Variants in HOTAIR observed in about 807,000 individuals in gnomAD.
The protein encoded by HOTAIR is HOX transcript antisense RNA (non-protein coding).
chr12:53,970,958 T>C (rs1015924389), intron 1 of HOTAIR, among the ~76,000 whole-genome samples: 2 of 152,174 alleles, frequency 1.3e-5, no homozygotes, highest in African/African-American at 4.8e-5. Flanking sequence ...CGAGCCCTCA[T>C]CCACACCTCT....
At position 53,973,784 on chromosome 12, in the gene HOTAIR, C is replaced by T. The variant is rs751093915; in HGVS notation, n.59+1114G>A. The T allele has an allele frequency of 6.2e-6, 10 of 1,603,112 alleles. No individual in the cohort carries two copies. The East Asian group carries it at 6.7e-5, about 11-fold the overall frequency. On this transcript the variant is annotated intron_variant and non_coding_transcript_variant, in intron 1 of 6. Coordinates refer to ENST00000424518, the Ensembl canonical transcript of HOTAIR. This position sits in a 1 kb window ranked among gnomAD's most constrained non-coding sequence, Gnocchi z 4.3. ...GCAAGGGCGAGGCCAAGGGGGAGCC[C>T]GAGGCACCCCCGGCCTCGGGACTGG...
intron 1 of HOTAIR, among the ~76,000 whole-genome samples, chr12:53,969,817 T>G (rs1939118575): frequency 6.6e-6 from 1 of 152,186 alleles, no homozygotes; most frequent in Non-Finnish European, 1.5e-5. Context: ...CCATTTCTTC[T>G]TTCAGCATTT....
chr12:53,967,903 G>C (rs1302889132), intron 2 of HOTAIR: 2 of 152,212 alleles, frequency 1.3e-5, no homozygotes, highest in Non-Finnish European at 2.9e-5. Flanking sequence ...AGGCTGAGGT[G>C]TGATTCAGGG....
chr12:53,966,838 A>G (rs1939063689), intron 3 of HOTAIR, among the ~76,000 whole-genome samples: 1 of 152,126 alleles, frequency 6.6e-6, no homozygotes, highest in Non-Finnish European at 1.5e-5. Context: ...GCCCGGCGAG[A>G]CCGAAAGAGC....
Position 53,973,966 on chromosome 12 carries a change from G to C in HOTAIR, n.59+932C>G. 1 of 1,420,664 alleles carries C rather than the reference G, an allele frequency of 7.0e-7. No homozygotes were observed. The highest frequency in any genetic ancestry group is 9.2e-7 in the Non-Finnish European group (1 of 1,082,980). The allele number at this position is 1,420,664 out of a possible 1,614,324, so 88.0% of individuals were successfully genotyped here. A position where few individuals can be genotyped will look rare whatever the true frequency, so the allele number is the denominator to read the frequency against. On this transcript the variant is annotated intron_variant and non_coding_transcript_variant, in intron 1 of 6. Coordinates refer to ENST00000424518, the Ensembl canonical transcript of HOTAIR. The surrounding 1 kb of genome is among the most constrained non-coding windows in gnomAD (Gnocchi z 4.3). ...GGGAACGGGCGGGCAGCGAGGGAGG[G>C]AGCGAGAGAGGGAGGGCGAGAGAAG... is the stretch of plus-strand genomic sequence containing the variant.
At chr12:53,968,947 C>T (rs1939105774) in intron 1 of HOTAIR, 1 of 152,212 alleles carries the variant, frequency 6.6e-6, no homozygotes, top group South Asian at 2.1e-4. Flanking sequence ...TCGACCCAGG[C>T]ATCTGATCGC....
chr12:53,963,340 C>T (rs1439233122), exon 7 of HOTAIR: 1 of 152,274 alleles, frequency 6.6e-6, no homozygotes, highest in Non-Finnish European at 1.5e-5. Context: ...ACAAAACACA[C>T]TCCCAACCCC....
Position 53,973,871 on chromosome 12 carries a change from G to A in HOTAIR, n.59+1027C>T, listed in dbSNP as rs1179009229. 8 of 1,466,846 alleles carry A rather than the reference G, an allele frequency of 5.5e-6. No individual in the cohort carries two copies. The highest frequency in any genetic ancestry group is 5.6e-5 in the Admixed American group (2 of 35,770). The allele number at this position is 1,466,846 out of a possible 1,614,324, so 90.9% of individuals were successfully genotyped here. The stretch of plus-strand genomic sequence containing the variant: ...AGGAGGAGAACACAAATCCCAGCTC[G>A]TCCGGTTCAGCCCACTCCGTGGCCA... On this transcript the variant is annotated intron_variant and non_coding_transcript_variant, in intron 1 of 6. Coordinates refer to ENST00000424518, the Ensembl canonical transcript of HOTAIR. This position sits in a 1 kb window ranked among gnomAD's most constrained non-coding sequence, Gnocchi z 4.3.
At chr12:53,974,925 C>T (rs891049353) in exon 1 of HOTAIR, 5 of 503,216 alleles carry the variant, frequency 9.9e-6, no homozygotes, top group Admixed American at 7.3e-5. Flanking sequence ...TGTCCCAGAC[C>T]CTGTCAGCCG....
intron 1 of HOTAIR, among the ~76,000 whole-genome samples, chr12:53,970,769 T>G (rs982300189): frequency 2.0e-5 from 3 of 152,110 alleles, no homozygotes; most frequent in Non-Finnish European, 4.4e-5. Flanking sequence ...ACTTTGGTGG[T>G]CAAATTCAAG....
intron 1 of HOTAIR, chr12:53,974,048 T>G: frequency 1.4e-6 from 1 of 729,434 alleles, no homozygotes; most frequent in Non-Finnish European, 2.1e-6. Flanking sequence ...CGATTTTATG[T>G]GGAGTTTTAT....
Position 53,973,510 on chromosome 12 carries a change from C to A in HOTAIR, n.59+1388G>T. 6.2e-7 allele frequency: 1 copy of A among 1,614,090 alleles called. No homozygotes were observed. The highest frequency in any genetic ancestry group is 8.5e-7 in the Non-Finnish European group (1 of 1,180,030). On this transcript the variant is annotated intron_variant and non_coding_transcript_variant, in intron 1 of 6. Coordinates refer to ENST00000424518, the Ensembl canonical transcript of HOTAIR. This position sits in a 1 kb window ranked among gnomAD's most constrained non-coding sequence, Gnocchi z 4.3. ...AAGTGGCACCATCGGAACAGCTACT[C>A]CTCCTGCTATGCGGCGGCCGACGAG...
chr12:53,965,681 C>T (rs1939038505), intron 5 of HOTAIR, among the ~76,000 whole-genome samples: 1 of 151,374 alleles, frequency 6.6e-6, no homozygotes, highest in African/African-American at 2.4e-5. Context: ...ATGAAACCAG[C>T]CGGCAAGGGT....
intron 1 of HOTAIR, among the ~76,000 whole-genome samples, chr12:53,970,251 G>A (rs1379116754): frequency 6.6e-6 from 1 of 152,224 alleles, no homozygotes; most frequent in East Asian, 1.9e-4. Context: ...ATACAAATAA[G>A]CCACCTGGAG....
exon 7 of HOTAIR, chr12:53,963,878 T>C (rs1020795065): frequency 4.6e-5 from 7 of 152,232 alleles, no homozygotes; most frequent in Non-Finnish European, 1.5e-5. Context: ...TCCCTAGATT[T>C]TCCCTTTTCC....
intron 1 of HOTAIR, among the ~76,000 whole-genome samples, chr12:53,972,661 C>T (rs1040162564): frequency 4.6e-5 from 7 of 152,138 alleles, no homozygotes; most frequent in African/African-American, 1.4e-4. Context: ...GGTGTCTCTG[C>T]GGGTTGGAAG....
At chr12:53,970,121 G>A (rs1019570774) in intron 1 of HOTAIR, among the ~76,000 whole-genome samples, 1 of 152,268 alleles carries the variant, frequency 6.6e-6, no homozygotes, top group African/African-American at 2.4e-5. Flanking sequence ...GCTGGCTGAT[G>A]GCGCTGACTG....
chr12:53,974,076 T>G (rs1481187500), intron 1 of HOTAIR: 1 of 587,278 alleles, frequency 1.7e-6, no homozygotes, highest in Non-Finnish European at 2.7e-6. Context: ...CAAAGGATTT[T>G]ATTATAACCT....
In HOTAIR at chr12:53,973,119, G is replaced by T. The variant is rs976335536; in HGVS notation, n.59+1779C>A. 7.1e-5 allele frequency: 51 copies of T among 714,576 alleles called. 1 individual carries two copies. In the South Asian group the frequency reaches 9.1e-4, roughly 13 times the overall value. 44.3% of individuals were successfully genotyped at this position (714,576 alleles called of 1,614,324 possible). Reference sequence around the variant, plus strand: ...ACTGATATATGACAATATCTACTTTGGATCACGTGCTCAGAGAGAGAGAGA... The same window carrying T: ...ACTGATATATGACAATATCTACTTTTGATCACGTGCTCAGAGAGAGAGAGA... On this transcript the variant is annotated intron_variant and non_coding_transcript_variant, in intron 1 of 6. Transcript: ENST00000424518. This position sits in a 1 kb window ranked among gnomAD's most constrained non-coding sequence, Gnocchi z 4.3.
Sources: gnomAD v4.1 joint callset for allele counts (sites outside exome capture counted in the v4.1 genomes callset) on GRCh38, gnomAD v4.1.1 for gene constraint, Gnocchi (gnomAD v3.1) non-coding constraint, MANE v1.5 for transcripts, NCBI Gene and HGNC (gene_info 2026-07-23, HGNC 2026-07-21) for gene names.